Variants in FAM171A1 observed in about 807,000 individuals in gnomAD.
The protein encoded by FAM171A1 is protein FAM171A1.
A neutral mutation model predicts 74.9 loss-of-function variants in FAM171A1; 23 were observed. That is an observed-to-expected ratio of 0.31 (90% CI 0.22 to 0.44). The LOEUF is 0.44. FAM171A1 is among the 20% of genes least tolerant of loss of function. The pLI is 1.00. For missense variants in FAM171A1, 1,162 were observed against 1,159.2 expected, an observed-to-expected ratio of 1.00 and a Z score of -0.03; for synonymous variants, 527 against 505.7, an observed-to-expected ratio of 1.04 and a Z score of -0.57.
chr10:15,335,586 T>C (rs915729002), intron 1 of FAM171A1, among the ~76,000 whole-genome samples: 1 of 152,194 alleles, frequency 6.6e-6, no homozygotes, highest in African/African-American at 2.4e-5. Flanking sequence ...ATTTTACAAA[T>C]AGTGTGCTTC....
intron 3 of FAM171A1, among the ~76,000 whole-genome samples, chr10:15,257,395 G>T (rs1834594329): frequency 6.6e-6 from 1 of 152,122 alleles, no homozygotes; most frequent in Non-Finnish European, 1.5e-5. Flanking sequence ...GACTGGCCTG[G>T]GACCCAGAGA....
In FAM171A1 at chr10:15,315,661, A is replaced by T. The variant is rs543438301; in HGVS notation, c.98-31556T>A. ...CCAAAGAATTTACTCTATTCTCACT[A>T]ATCGAGATCACAGAGACCTTGATCA... On this transcript the variant is annotated intron_variant, in intron 1 of 7. Coordinates refer to ENST00000378116, the MANE Select transcript of FAM171A1 (RefSeq NM_001010924.2). Among the ~76,000 whole-genome samples the T allele has an allele frequency of 5.1e-4, 78 of 152,292 alleles. 1 individual carries two copies. The South Asian group carries it at 0.015, about 30-fold the overall frequency.
chr10:15,249,256 T>C (rs974842247), intron 4 of FAM171A1, among the ~76,000 whole-genome samples: 2 of 151,988 alleles, frequency 1.3e-5, no homozygotes, highest in Admixed American at 6.6e-5. Flanking sequence ...ACTACCCTGA[T>C]GGATAATTTT....
intron 2 of FAM171A1, among the ~76,000 whole-genome samples, chr10:15,282,819 T>C (rs1202793171): frequency 6.6e-6 from 1 of 152,180 alleles, no homozygotes; most frequent in Non-Finnish European, 1.5e-5. Context: ...CCCTTGGATA[T>C]AACTTAGTAA....
At chr10:15,364,719 T>C (rs1050045856) in intron 1 of FAM171A1, among the ~76,000 whole-genome samples, 1 of 152,218 alleles carries the variant, frequency 6.6e-6, no homozygotes, top group Non-Finnish European at 1.5e-5. Flanking sequence ...CTGGAGGCTC[T>C]AGGGTAAAAT....
chr10:15,263,771 C>CTATCTATT (rs1554834688), intron 3 of FAM171A1, among the ~76,000 whole-genome samples: 8 of 151,802 alleles, frequency 5.3e-5, no homozygotes, highest in Admixed American at 1.3e-4. Flanking sequence ...ATCTATCTAT[C>CTATCTATT]TATCTATCTA....
chr10:15,268,579 G>C (rs1410291525), intron 3 of FAM171A1, among the ~76,000 whole-genome samples: 2 of 152,024 alleles, frequency 1.3e-5, no homozygotes, highest in Non-Finnish European at 2.9e-5. Flanking sequence ...CCAAGCAGAG[G>C]CGTCATCCAA....
chr10:15,227,063 A>C (rs1237526341), intron 5 of FAM171A1, among the ~76,000 whole-genome samples: 1 of 152,160 alleles, frequency 6.6e-6, no homozygotes, highest in Non-Finnish European at 1.5e-5. Flanking sequence ...GCAGTGGTGC[A>C]ATCTCAGCTC....
At chr10:15,280,018 T>C (rs1259240925) in intron 2 of FAM171A1, among the ~76,000 whole-genome samples, 1 of 151,638 alleles carries the variant, frequency 6.6e-6, no homozygotes, top group Non-Finnish European at 1.5e-5. Context: ...ACCTTGGAGG[T>C]GGAGGGTGTA....
intron 1 of FAM171A1, among the ~76,000 whole-genome samples, chr10:15,301,362 A>ATT (rs71390027): frequency 0.038 from 5,357 of 141,450 alleles, 137 homozygotes; most frequent in East Asian, 0.091. Flanking sequence ...ATATATATAT[A>ATT]TTTTTTTTTT....
chr10:15,233,441 T>C (rs954753580), intron 5 of FAM171A1, among the ~76,000 whole-genome samples: 2 of 152,044 alleles, frequency 1.3e-5, no homozygotes, highest in Admixed American at 6.6e-5. Context: ...TACGTGTACA[T>C]GGCGTACTGC....
At chr10:15,371,727 A>G (rs1047524425), upstream of FAM171A1, among the ~76,000 whole-genome samples, 5 of 152,160 alleles carry the variant, frequency 3.3e-5, no homozygotes, top group African/African-American at 1.2e-4. Flanking sequence ...GGATGGTTCT[A>G]GGGGTTAGGG....
chr10:15,292,183 C>A (rs141713395), intron 1 of FAM171A1, among the ~76,000 whole-genome samples: 66 of 152,182 alleles, frequency 4.3e-4, no homozygotes, highest in Admixed American at 2.0e-3. Flanking sequence ...ATGGCTCCCC[C>A]CTCATGACCT....
At chr10:15,321,867 C>T (rs1308627373) in intron 1 of FAM171A1, among the ~76,000 whole-genome samples, 1 of 152,188 alleles carries the variant, frequency 6.6e-6, no homozygotes, top group Non-Finnish European at 1.5e-5. Context: ...GTTTCCAACT[C>T]TTTAGTTAAG....
intron 1 of FAM171A1, among the ~76,000 whole-genome samples, chr10:15,284,849 C>A (rs1835016443): frequency 6.7e-6 from 1 of 149,962 alleles, no homozygotes; most frequent in Non-Finnish European, 1.5e-5. Flanking sequence ...CTGGTAATCA[C>A]AAAGGCTAGA....
chr10:15,214,030 A>G lies in FAM171A1; in HGVS notation c.1558T>C (p.Tyr520His), dbSNP rs777688592. The change falls in exon 8 of 8, where the codon TAC becomes CAC. Residue 520 changes from tyrosine (Y) to histidine (H), a missense_variant. Transcript: ENST00000378116. Reference protein sequence around the residue: ...GSKLTIQEHLYPAPSSPEKEQ... With the variant: ...GSKLTIQEHLHPAPSSPEKEQ... ...TTCTCAGGTGATGAAGGCGCGGGGT[A>G]CAGATGTTCCTGAATGGTGAGTTTG... 5.6e-6 allele frequency: 9 copies of G among 1,614,166 alleles called. No individual in the cohort carries two copies. The highest frequency in any genetic ancestry group is 7.6e-6 in the Non-Finnish European group (9 of 1,180,028).
intron 1 of FAM171A1, among the ~76,000 whole-genome samples, chr10:15,326,999 A>T (rs536640891): frequency 2.6e-5 from 4 of 152,318 alleles, no homozygotes; most frequent in African/African-American, 9.6e-5. Flanking sequence ...AAATGTGGCA[A>T]TGAATGTACA....
rs1834557408 is a variant in FAM171A1 at position 15,254,823 on chromosome 10, T to C, written c.475A>G (p.Asn159Asp). ...FQRRALRLPE[N>D]TSYSDLTAFL... ...GCGGTCAGGTCACTGTAGCTGGTGT[T>C]CTCAGGCAACCTCAGAGCCCTTCTC... The change falls in exon 4 of 8, where the codon AAC becomes GAC. Residue 159 changes from asparagine (N) to aspartate (D), a missense_variant. By Grantham distance (23) the Asn-to-Asp change is conservative (BLOSUM62 1). Transcript: ENST00000378116. 21 of 1,614,176 alleles carry C rather than the reference T, an allele frequency of 1.3e-5. No individual in the cohort carries two copies. Among genetic ancestry groups the C allele is most frequent in the Non-Finnish European group, 1.8e-5 (21 of 1,180,016 alleles).
chr10:15,352,974 C>T (rs769998475), intron 1 of FAM171A1, among the ~76,000 whole-genome samples: 9 of 152,202 alleles, frequency 5.9e-5, no homozygotes, highest in Non-Finnish European at 1.2e-4. Context: ...TTTGGACAAT[C>T]GGTAGATGCA....
Sources: gnomAD v4.1 joint callset for allele counts (sites outside exome capture counted in the v4.1 genomes callset) on GRCh38, gnomAD v4.1.1 for gene constraint, MANE v1.5 for transcripts, NCBI Gene and HGNC (gene_info 2026-07-23, HGNC 2026-07-21) for gene names.